EBF2: variants seen among roughly 807,000 people sequenced by gnomAD.
EBF2 encodes transcription factor COE2.
A neutral mutation model predicts 72.8 loss-of-function variants in EBF2; 21 were observed. The observed-to-expected ratio is 0.29, with a 90% confidence interval of 0.20 to 0.42. The LOEUF is 0.42. Among genes scored for constraint, EBF2 ranks in the 10% least tolerant of loss-of-function variants. The probability of loss-of-function intolerance (pLI) is 1.00; values close to 1 mark genes in which losing one functional copy is unlikely to be tolerated. For synonymous variants in EBF2, 299 were observed against 274.2 expected (o/e 1.09, Z -0.89); for missense variants, 637 against 731.2 (o/e 0.87, Z 1.49).
rs193106282 is a variant in EBF2 at position 25,858,616 on chromosome 8, C to T, written c.1343-112G>A. The T allele has an allele frequency of 1.6e-3, 1,550 of 942,060 alleles. 31 individuals are homozygous for T. The Admixed American group carries it at 0.033, about 20-fold the overall frequency. The allele number at this position is 942,060 out of a possible 1,614,324, so 58.4% of individuals were successfully genotyped here. A position where few individuals can be genotyped will look rare whatever the true frequency, so the allele number is the denominator to read the frequency against. On this transcript the variant is annotated intron_variant, in intron 13 of 15. Coordinates refer to ENST00000520164, the MANE Select transcript of EBF2 (RefSeq NM_022659.4). ...GACTGCAGAATGTCACCAGCTGCCC[C>T]GGGCAGTTGTAGGAAGTGTGCAGTC... is the stretch of plus-strand genomic sequence containing the variant.
chr8:26,016,768 T>C (rs928088090), intron 6 of EBF2, among the ~76,000 whole-genome samples: 11 of 152,102 alleles, frequency 7.2e-5, no homozygotes, highest in African/African-American at 2.4e-4. Flanking sequence ...ACTCTCTCTT[T>C]AAGGAATAAA....
chr8:25,878,002 G>C (rs989274780), intron 10 of EBF2, among the ~76,000 whole-genome samples: 23 of 152,118 alleles, frequency 1.5e-4, no homozygotes, highest in African/African-American at 5.6e-4. Flanking sequence ...AACACCTTTG[G>C]GTAACAGCAT....
At chr8:25,972,686 G>A (rs1021850055) in intron 6 of EBF2, among the ~76,000 whole-genome samples, 11 of 152,096 alleles carry the variant, frequency 7.2e-5, no homozygotes, top group African/African-American at 1.9e-4. Flanking sequence ...TGAGGAAGCC[G>A]GGACCCACGC....
chr8:25,851,116 A>G (rs991515453), intron 14 of EBF2, among the ~76,000 whole-genome samples: 3 of 152,022 alleles, frequency 2.0e-5, no homozygotes, highest in African/African-American at 7.2e-5. Flanking sequence ...CTGAGATCAA[A>G]CATGCCTGAA....
chr8:26,037,764 G>A (rs1232163121), intron 5 of EBF2, among the ~76,000 whole-genome samples: 4 of 152,156 alleles, frequency 2.6e-5, no homozygotes, highest in Non-Finnish European at 5.9e-5. Context: ...CTAATAATTG[G>A]CAAAATGAAC....
At chr8:25,899,790 G>A (rs186095739) in intron 7 of EBF2, among the ~76,000 whole-genome samples, 20 of 152,218 alleles carry the variant, frequency 1.3e-4, no homozygotes, top group East Asian at 1.2e-3. Context: ...TTGCCCCATC[G>A]TTCTTCTGCA....
chr8:25,932,861 TA>T (rs1253118354), intron 6 of EBF2, among the ~76,000 whole-genome samples: 1 of 152,184 alleles, frequency 6.6e-6, no homozygotes, highest in Non-Finnish European at 1.5e-5. Context: ...CTGAACTTAA[TA>T]ATAACAGCTG....
At chr8:26,042,321 C>T in intron 1 of EBF2, 70 bp from the exon 2 acceptor site, 1 of 1,529,266 alleles carries the variant, frequency 6.5e-7, no homozygotes, top group Non-Finnish European at 8.8e-7. Flanking sequence ...ACTAACCGCC[C>T]ACAACACTGC....
At chr8:25,922,551 C>A (rs562441523) in intron 6 of EBF2, among the ~76,000 whole-genome samples, 156 of 152,222 alleles carry the variant, frequency 1.0e-3, no homozygotes, top group Middle Eastern at 3.4e-3. Context: ...GTTCAGCCAC[C>A]CATTTCCTCT....
chr8:25,996,934 G>A lies in EBF2; in HGVS notation c.551+36151C>T, dbSNP rs143820460. On this transcript the variant is annotated intron_variant, in intron 6 of 15. Transcript: ENST00000520164. ...ATGTGCTAATAAGTATAAAAATGTT[G>A]ACTAAATCCACTATTTTTAGGGAAA... 1.5e-3 allele frequency among the ~76,000 whole-genome samples: 227 copies of A among 152,178 alleles called. 2 individuals carry two copies. The highest frequency in any genetic ancestry group is 5.2e-3 in the African/African-American group (215 of 41,526).
chr8:25,989,911 T>C (rs1200588029), intron 6 of EBF2, among the ~76,000 whole-genome samples: 1 of 152,144 alleles, frequency 6.6e-6, no homozygotes, highest in Non-Finnish European at 1.5e-5. Context: ...CTCTACCAGT[T>C]CACTTGGCCT....
chr8:25,982,380 A>G (rs1804376637), intron 6 of EBF2, among the ~76,000 whole-genome samples: 1 of 152,222 alleles, frequency 6.6e-6, no homozygotes, highest in Admixed American at 6.5e-5. Context: ...GCTGGAGTCC[A>G]CAGCACAGGC....
At chr8:26,034,748 C>T (rs771401058) in intron 5 of EBF2, among the ~76,000 whole-genome samples, 27 of 152,212 alleles carry the variant, frequency 1.8e-4, no homozygotes, top group Admixed American at 8.5e-4. Flanking sequence ...TCTTTATCAT[C>T]CATACTGGTT....
Position 25,850,646 on chromosome 8 carries a change from G to C in EBF2, c.1644C>G (p.Pro548=). The C allele has an allele frequency of 6.4e-7, 1 of 1,567,388 alleles. No individual in the cohort carries two copies. Among genetic ancestry groups the C allele is most frequent in the Non-Finnish European group, 8.6e-7 (1 of 1,164,742 alleles). The part of the protein sequence containing the change: ...QKSAFAPVIR[P]QGSPSPACSS... ...AGCAGGCAGGTGAAGGGGAGCCTTG[G>C]GGCCTGATGACAGGGGCAAAGGCAC... The change falls in exon 15 of 16, where the codon CCC becomes CCG. Residue 548 remains proline, a synonymous_variant. Coordinates refer to ENST00000520164, the MANE Select transcript of EBF2 (RefSeq NM_022659.4).
At chr8:25,880,544 T>C (rs761051717) in intron 10 of EBF2, among the ~76,000 whole-genome samples, 2 of 152,232 alleles carry the variant, frequency 1.3e-5, no homozygotes, top group Non-Finnish European at 2.9e-5. Flanking sequence ...TAAGTATTTA[T>C]ACCCTTAATG....
rs1248222931 is a variant in EBF2, at chr8:25,844,238, T to C, written c.*371A>G. The C allele has an allele frequency of 1.2e-5, 2 of 162,354 alleles. No homozygotes were observed. The highest frequency in any genetic ancestry group is 2.7e-5 in the Non-Finnish European group (2 of 74,332). 10.1% of individuals were successfully genotyped at this position (162,354 alleles called of 1,614,324 possible). The stretch of plus-strand genomic sequence containing the variant: ...AAAATAGAAACTTTCAACTTTTTTT[T>C]CCTACAAAGAAAAACAAATAGTATC... On this transcript the variant is annotated 3_prime_UTR_variant, in exon 16 of 16. Transcript: ENST00000520164.
chr8:25,845,925 T>C lies in EBF2; in HGVS notation c.1697-1285A>G, dbSNP rs544156014. Among the ~76,000 whole-genome samples, 16 of 152,308 alleles carry C rather than the reference T, an allele frequency of 1.1e-4. No individual in the cohort carries two copies. The South Asian group carries it at 3.1e-3, about 30-fold the overall frequency. On this transcript the variant is annotated intron_variant, in intron 15 of 15. Coordinates refer to ENST00000520164, the MANE Select transcript of EBF2 (RefSeq NM_022659.4). ...CCAAGCAAATGGCTGAAATTCTCTC[T>C]GCTTTTCTCAACCCTTCCATCTCTC...
intron 15 of EBF2, among the ~76,000 whole-genome samples, chr8:25,848,525 G>A (rs1224126659): frequency 6.6e-6 from 1 of 152,152 alleles, no homozygotes; most frequent in Non-Finnish European, 1.5e-5. Flanking sequence ...GCATGCAGCA[G>A]GAAGTGGGGT....
intron 5 of EBF2, among the ~76,000 whole-genome samples, 171 bp downstream of exon 5, chr8:26,039,857 C>A (rs1427389082): frequency 7.2e-6 from 1 of 139,094 alleles, no homozygotes; most frequent in African/African-American, 2.7e-5. Flanking sequence ...TGCTTTAAGA[C>A]ACTTGCATGA....
Sources: allele counts gnomAD v4.1 joint callset (sites outside exome capture counted in the v4.1 genomes callset), GRCh38; gene constraint gnomAD v4.1.1; transcripts MANE v1.5; gene names NCBI Gene and HGNC (gene_info 2026-07-23, HGNC 2026-07-21).